Variants in RAP1B observed in about 807,000 individuals in gnomAD.
The protein encoded by RAP1B is ras-related protein Rap-1b.
RAP1B carries 1 observed loss-of-function variant against 27.5 expected under a neutral mutation model. That is an observed-to-expected ratio of 0.04 (90% CI 0.01 to 0.17). The LOEUF is 0.17. RAP1B is among the 10% of genes least tolerant of loss of function. The probability of loss-of-function intolerance (pLI) is 1.00; values close to 1 mark genes in which losing one functional copy is unlikely to be tolerated. For synonymous variants in RAP1B, 75 were observed against 73.1 expected, an observed-to-expected ratio of 1.03 and a Z score of -0.13; for missense variants, 84 against 214.8, an observed-to-expected ratio of 0.39 and a Z score of 3.81.
rs1167610786 is a variant in RAP1B, at chr12:68,667,157, A to C, written c.*7908A>C. ...AAACTTTTCTTTTTCATTTTCAGAC[A>C]TATCCAGAGGGTTTTCTCTTCATCT... On this transcript the variant is annotated 3_prime_UTR_variant, in exon 8 of 8. Coordinates refer to ENST00000250559, the MANE Select transcript of RAP1B (RefSeq NM_001010942.3). 2 of 152,174 alleles carry C rather than the reference A, an allele frequency of 1.3e-5. No individual in the cohort carries two copies. The highest frequency in any genetic ancestry group is 2.9e-5 in the Non-Finnish European group (2 of 68,022). 9.4% of individuals were successfully genotyped at this position (152,174 alleles called of 1,614,324 possible).
rs545088229 is a variant in RAP1B, at chr12:68,659,580, C to G, written c.*331C>G. The G allele has an allele frequency of 1.3e-4, 27 of 211,968 alleles. No homozygotes were observed. In the South Asian group the frequency reaches 1.7e-3, roughly 14 times the overall value. The allele number at this position is 211,968 out of a possible 1,614,324, so 13.1% of individuals were successfully genotyped here. A position where few individuals can be genotyped will look rare whatever the true frequency, so the allele number is the denominator to read the frequency against. On this transcript the variant is annotated 3_prime_UTR_variant, in exon 8 of 8. Coordinates refer to ENST00000250559, the MANE Select transcript of RAP1B (RefSeq NM_001010942.3). ...GGTGTACTGTATACTTTAACATGCC[C>G]CATACTTTGTATTGGAGAGTACAAT...
At chr12:68,614,864 T>A (rs1156530349) in intron 1 of RAP1B, among the ~76,000 whole-genome samples, 2 of 152,342 alleles carry the variant, frequency 1.3e-5, no homozygotes, top group East Asian at 3.9e-4. Flanking sequence ...TTTGAGGTCT[T>A]AAGTTCTTTG....
chr12:68,659,169 C>T, intron 7 of RAP1B, 111 bp from the exon 8 acceptor site: 1 of 436,784 alleles, frequency 2.3e-6, no homozygotes, highest in South Asian at 1.7e-5. Flanking sequence ...AGAACAAGAG[C>T]CTAGATTATA....
chr12:68,657,037 A>C, intron 6 of RAP1B, 64 bp from the exon 7 acceptor site: 1 of 1,340,590 alleles, frequency 7.5e-7, no homozygotes, highest in Non-Finnish European at 1.1e-6. Flanking sequence ...TTTTCAATTT[A>C]CTTTTTTCAT....
In RAP1B at chr12:68,664,782, A is replaced by T. The variant is rs1484953228; in HGVS notation, c.*5533A>T. 1 of 151,956 alleles carries T rather than the reference A, an allele frequency of 6.6e-6. No individual in the cohort carries two copies. Among genetic ancestry groups the T allele is most frequent in the Non-Finnish European group, 1.5e-5 (1 of 68,036 alleles). 9.4% of individuals were successfully genotyped at this position (151,956 alleles called of 1,614,324 possible). ...AGTCAATGATGGGAAAGACCAGTCAAATAAACTATCAGATCTAATAACTTT... is the reference window on the plus strand; with the variant it reads ...AGTCAATGATGGGAAAGACCAGTCATATAAACTATCAGATCTAATAACTTT... On this transcript the variant is annotated 3_prime_UTR_variant, in exon 8 of 8. Transcript: ENST00000250559.
At chr12:68,627,412 C>T (rs1429311095) in intron 1 of RAP1B, 1 of 508,232 alleles carries the variant, frequency 2.0e-6, no homozygotes, top group East Asian at 3.7e-5. Context: ...ATACCCAATC[C>T]CTACTAGAAT....
intron 2 of RAP1B, chr12:68,649,252 C>T (rs1476224464): frequency 6.5e-6 from 1 of 154,838 alleles, no homozygotes. Flanking sequence ...TGCTATATTG[C>T]TTAGGCTGGT....
At chr12:68,648,393 C>A (rs1457775370) in intron 1 of RAP1B, among the ~76,000 whole-genome samples, 1 of 152,202 alleles carries the variant, frequency 6.6e-6, no homozygotes, top group Admixed American at 6.5e-5. Context: ...AAACCACAGA[C>A]AATACACAAA....
chr12:68,638,694 C>T (rs1267440540), intron 1 of RAP1B, among the ~76,000 whole-genome samples: 2 of 152,052 alleles, frequency 1.3e-5, no homozygotes, highest in Admixed American at 1.3e-4. Context: ...GAGTCTCACT[C>T]TGTATGCCTA....
Position 68,665,326 on chromosome 12 carries a change from A to G in RAP1B, c.*6077A>G, listed in dbSNP as rs561325456. 103 of 152,390 alleles carry G rather than the reference A, an allele frequency of 6.8e-4. No homozygotes were observed. The highest frequency in any genetic ancestry group is 2.4e-3 in the African/African-American group (100 of 41,586). 9.4% of individuals were successfully genotyped at this position (152,390 alleles called of 1,614,324 possible). A position where few individuals can be genotyped will look rare whatever the true frequency, so the allele number is the denominator to read the frequency against. ...CCAGAATTAACACAGCCAGCTTGTC[A>G]GCTACCTTTGAACATGTATTTTCTG... On this transcript the variant is annotated 3_prime_UTR_variant, in exon 8 of 8. Transcript: ENST00000250559.
rs1345871217 is a variant in RAP1B, at chr12:68,664,183, GTAA to G, written c.*4940_*4942del. On this transcript the variant is annotated 3_prime_UTR_variant, in exon 8 of 8. Transcript: ENST00000250559. ...CACACATATATTACAGGATTTTTAT[GTAA>G]TAATATATTCACTTCAGTCAGGTTT... 2 of 152,100 alleles carry G rather than the reference GTAA, an allele frequency of 1.3e-5. No homozygotes were observed. The highest frequency in any genetic ancestry group is 2.9e-5 in the Non-Finnish European group (2 of 68,030). The allele number at this position is 152,100 out of a possible 1,614,324, so 9.4% of individuals were successfully genotyped here.
intron 1 of RAP1B, among the ~76,000 whole-genome samples, chr12:68,632,146 G>GTT (rs1168683591): frequency 9.3e-6 from 1 of 107,986 alleles, no homozygotes; most frequent in East Asian, 3.0e-4. Flanking sequence ...TTTTTTTTTT[G>GTT]TTTGTTTTTT....
intron 1 of RAP1B, among the ~76,000 whole-genome samples, chr12:68,631,735 T>C (rs1230450071): frequency 2.6e-5 from 4 of 152,202 alleles, no homozygotes; most frequent in Admixed American, 2.6e-4. Context: ...TTCATAAATC[T>C]GATCTCTCCT....
intron 1 of RAP1B, among the ~76,000 whole-genome samples, chr12:68,630,112 A>G (rs1393203357): frequency 1.3e-5 from 2 of 152,202 alleles, no homozygotes; most frequent in East Asian, 3.8e-4. Flanking sequence ...ACTTAGCTAC[A>G]GGTAGCTGTT....
chr12:68,656,684 A>G (rs1874230853), intron 6 of RAP1B: 1 of 575,892 alleles, frequency 1.7e-6, no homozygotes, highest in Non-Finnish European at 3.0e-6. Flanking sequence ...CTGGACAGAA[A>G]ATACATGGAT....
chr12:68,642,912 C>T (rs1873123852), intron 1 of RAP1B: 1 of 939,620 alleles, frequency 1.1e-6, no homozygotes. Context: ...AGGAAACTAG[C>T]AATGGCCTTT....
intron 1 of RAP1B, among the ~76,000 whole-genome samples, chr12:68,643,572 C>T (rs180980875): frequency 8.5e-4 from 129 of 152,244 alleles, no homozygotes; most frequent in Admixed American, 3.7e-3. Flanking sequence ...TAGAATTAAA[C>T]TTTAATTGAT....
chr12:68,623,812 G>C lies in RAP1B; in HGVS notation c.-27+12769G>C, dbSNP rs1244512260. Among the ~76,000 whole-genome samples, 4 of 152,316 alleles carry C rather than the reference G, an allele frequency of 2.6e-5. No homozygotes were observed. The East Asian group carries it at 7.7e-4, about 29-fold the overall frequency. ...CCAAGGTGGGTGGATCACGAGGTCA[G>C]GAGATCGAGACCATCCTGGCTAACA... On this transcript the variant is annotated intron_variant, in intron 1 of 7. Coordinates refer to ENST00000250559, the MANE Select transcript of RAP1B (RefSeq NM_001010942.3).
intron 1 of RAP1B, among the ~76,000 whole-genome samples, chr12:68,612,913 G>A: frequency 6.6e-6 from 1 of 152,122 alleles, no homozygotes; most frequent in Admixed American, 6.6e-5. Context: ...ACAATAAATC[G>A]TGAAGCTGCC....
Sources: allele counts gnomAD v4.1 joint callset (sites outside exome capture counted in the v4.1 genomes callset), GRCh38; gene constraint gnomAD v4.1.1; transcripts MANE v1.5; gene names NCBI Gene and HGNC (gene_info 2026-07-23, HGNC 2026-07-21).